HADH: variants seen among roughly 807,000 people sequenced by gnomAD.
HADH encodes hydroxyacyl-coenzyme A dehydrogenase, mitochondrial.
Under a neutral mutation model 32.2 loss-of-function variants are expected in HADH, and 24 were observed. That is an observed-to-expected ratio of 0.75 (90% CI 0.54 to 1.05). The LOEUF (loss-of-function observed/expected upper bound fraction) is 1.05. Ranked by LOEUF, HADH falls within the 50% of genes least tolerant of loss-of-function variation. The pLI is 0.00. For missense variants in HADH, 350 were observed against 397.1 expected (o/e 0.88, Z 1.01); for synonymous variants, 139 against 152.5 (o/e 0.91, Z 0.65).
At chr4:107,992,714 A>G (rs1361240891) in intron 1 of HADH, among the ~76,000 whole-genome samples, 4 of 152,244 alleles carry the variant, frequency 2.6e-5, no homozygotes, top group East Asian at 1.9e-4. Context: ...AATAAATTCA[A>G]TGAATTCATG....
At chr4:108,005,006 G>A in intron 1 of HADH, 1 of 991,974 alleles carries the variant, frequency 1.0e-6, no homozygotes, top group South Asian at 1.5e-5. Flanking sequence ...CAGTTTAAAT[G>A]TTTATTTTAT....
intron 6 of HADH, chr4:108,032,523 T>A: frequency 1.8e-6 from 1 of 562,568 alleles, no homozygotes; most frequent in Non-Finnish European, 3.3e-6. Context: ...GAAAGTTTAT[T>A]TATAAATCAA....
intron 6 of HADH, chr4:108,028,829 T>C (rs1049280750): frequency 7.5e-6 from 3 of 398,454 alleles, no homozygotes; most frequent in Admixed American, 4.4e-5. Context: ...TTTTCCTCAC[T>C]GTCCATTTGA....
chr4:108,018,420 A>G (rs2126231396), intron 3 of HADH, among the ~76,000 whole-genome samples: 1 of 152,064 alleles, frequency 6.6e-6, no homozygotes, highest in South Asian at 2.1e-4. Context: ...AAGACCTTAA[A>G]ACAATGTCAT....
chr4:108,005,672 C>A (rs1307768182), intron 1 of HADH, among the ~76,000 whole-genome samples: 2 of 152,172 alleles, frequency 1.3e-5, no homozygotes, highest in African/African-American at 2.4e-5. Context: ...TAAAGTGATG[C>A]TTCATTAAAA....
intron 3 of HADH, among the ~76,000 whole-genome samples, chr4:108,017,147 C>T (rs1344184450): frequency 6.6e-6 from 1 of 152,142 alleles, no homozygotes; most frequent in East Asian, 1.9e-4. Context: ...ACTTTACTGA[C>T]AAATTTTACA....
At position 107,998,316 on chromosome 4, in the gene HADH, A is replaced by G. The variant is rs1735015455; in HGVS notation, c.132+8252A>G. On this transcript the variant is annotated intron_variant, in intron 1 of 7. Transcript: ENST00000309522. ...TTGTTTTGAGACAGAGTCTCTCTCT[A>G]TCACCCAGGCTAGAGTGCAGAGGCG... 3.9e-5 allele frequency among the ~76,000 whole-genome samples: 6 copies of G among 152,180 alleles called. 1 individual carries two copies. In the South Asian group the frequency reaches 8.3e-4, roughly 21 times the overall value.
At chr4:108,002,775 C>G in intron 1 of HADH, among the ~76,000 whole-genome samples, 1 of 152,200 alleles carries the variant, frequency 6.6e-6, no homozygotes, top group Non-Finnish European at 1.5e-5. Flanking sequence ...GTTGTTTATA[C>G]ATTACCCAGT....
chr4:108,014,492 C>T lies in HADH; in HGVS notation c.323C>T (p.Ser108Phe). The T allele has an allele frequency of 6.2e-7, 1 of 1,614,148 alleles. No individual in the cohort carries two copies. The highest frequency in any genetic ancestry group is 1.1e-5 in the South Asian group (1 of 91,084). Residue 108 changes from serine (S) to phenylalanine (F), a missense_variant, in exon 3 of 8, where the codon TCC (serine) becomes TTC (phenylalanine). Ser to Phe is a radical substitution (Grantham distance 155, BLOSUM62 -2). Coordinates refer to ENST00000309522, the MANE Select transcript of HADH (RefSeq NM_005327.7). ...STIATSTDAA[S>F]VVHSTDLVVE... ...ATAGCGACCAGCACGGATGCAGCCT[C>T]CGTTGTCCACAGCACAGACTTGGTG... is the stretch of plus-strand genomic sequence containing the variant.
chr4:107,992,678 G>A (rs1480267985), intron 1 of HADH, among the ~76,000 whole-genome samples: 2 of 152,336 alleles, frequency 1.3e-5, no homozygotes, highest in African/African-American at 4.8e-5. Flanking sequence ...ACTAATGCTA[G>A]TACTGGCCTC....
chr4:108,008,852 C>T (rs775693568), intron 1 of HADH, among the ~76,000 whole-genome samples: 2 of 152,136 alleles, frequency 1.3e-5, no homozygotes, highest in African/African-American at 2.4e-5. Context: ...ATAAGGTGAT[C>T]GAGGTGACCC....
intron 4 of HADH, among the ~76,000 whole-genome samples, chr4:108,021,945 G>A (rs1280631188): frequency 1.3e-5 from 2 of 152,104 alleles, no homozygotes; most frequent in Non-Finnish European, 2.9e-5. Context: ...AAACAGGAGT[G>A]AGAACTCTTC....
At chr4:108,010,690 G>A (rs1735456481) in intron 2 of HADH, among the ~76,000 whole-genome samples, 2 of 151,938 alleles carry the variant, frequency 1.3e-5, no homozygotes, top group South Asian at 2.1e-4. Flanking sequence ...CATAAAATTT[G>A]CCATTTTAAA....
chr4:108,009,992 T>C, intron 2 of HADH, 105 bp downstream of exon 2: 1 of 857,880 alleles, frequency 1.2e-6, no homozygotes, highest in Non-Finnish European at 1.9e-6. Flanking sequence ...TTTTTTTTTT[T>C]TTCAGTTTGT....
intron 1 of HADH, among the ~76,000 whole-genome samples, chr4:107,990,797 T>C (rs1734765948): frequency 7.3e-6 from 1 of 136,236 alleles, no homozygotes; most frequent in African/African-American, 2.8e-5. Flanking sequence ...CAGGCTGGAG[T>C]GGAGTGCAAT....
chr4:107,992,757 T>C lies in HADH; in HGVS notation c.132+2693T>C, dbSNP rs1415422733. 2.0e-5 allele frequency among the ~76,000 whole-genome samples: 3 copies of C among 152,196 alleles called. No individual in the cohort carries two copies. The East Asian group carries it at 5.8e-4, about 29-fold the overall frequency. ...CAAGCAGTTACATATATCAAGCATA[T>C]GTCAAGCACTTACACAGTGTCTGGC... On this transcript the variant is annotated intron_variant, in intron 1 of 7. Transcript: ENST00000309522.
intron 1 of HADH, among the ~76,000 whole-genome samples, chr4:107,990,962 G>T (rs1011337657): frequency 6.6e-6 from 1 of 152,026 alleles, no homozygotes; most frequent in Non-Finnish European, 1.5e-5. Context: ...GGCTGATCTC[G>T]AACTCCTGAC....
chr4:107,992,888 G>A (rs1052417192), intron 1 of HADH, among the ~76,000 whole-genome samples: 4 of 152,152 alleles, frequency 2.6e-5, no homozygotes, highest in African/African-American at 9.7e-5. Context: ...GCTGAGGGGG[G>A]CAGATCATCT....
At chr4:108,014,391 G>A (rs1735616853) in intron 2 of HADH, 40 bp from the exon 3 acceptor site, 1 of 1,613,010 alleles carries the variant, frequency 6.2e-7, no homozygotes, top group Non-Finnish European at 8.5e-7. Context: ...AATTTCCAGT[G>A]AGCCCGGTGA....
Sources: allele counts gnomAD v4.1 joint callset (sites outside exome capture counted in the v4.1 genomes callset), GRCh38; gene constraint gnomAD v4.1.1; transcripts MANE v1.5; gene names NCBI Gene and HGNC (gene_info 2026-07-23, HGNC 2026-07-21).